Variants in PIK3C2G observed in about 807,000 individuals in gnomAD.
The protein encoded by PIK3C2G is phosphatidylinositol 3-kinase C2 domain-containing subunit gamma.
In PIK3C2G, 168 loss-of-function variants were observed where a neutral mutation model predicts 181.1. That is an observed-to-expected ratio of 0.93 (90% CI 0.82 to 1.05). The LOEUF (loss-of-function observed/expected upper bound fraction) is 1.05, where lower values mean the gene tolerates loss of function less well. Among genes scored for constraint, PIK3C2G ranks in the 50% least tolerant of loss-of-function variants. The pLI is 0.00. For synonymous variants in PIK3C2G, 573 were observed against 592.2 expected, an observed-to-expected ratio of 0.97 and a Z score of 0.47; for missense variants, 1,869 against 1,732.8, an observed-to-expected ratio of 1.08 and a Z score of -1.40.
chr12:18,251,613 G>T (rs1364231188), intron 1 of PIK3C2G, among the ~76,000 whole-genome samples: 1 of 151,932 alleles, frequency 6.6e-6, no homozygotes, highest in South Asian at 2.1e-4. Flanking sequence ...GAAATGGAAG[G>T]CATAGATCCA....
chr12:18,486,653 A>C (rs1940068867), intron 18 of PIK3C2G, among the ~76,000 whole-genome samples: 1 of 151,988 alleles, frequency 6.6e-6, no homozygotes, highest in South Asian at 2.1e-4. Flanking sequence ...GATCAGGTTA[A>C]AAATACTTAA....
intron 18 of PIK3C2G, among the ~76,000 whole-genome samples, chr12:18,483,683 C>A (rs1939770420): frequency 6.6e-6 from 1 of 151,316 alleles, no homozygotes; most frequent in Non-Finnish European, 1.5e-5. Context: ...AGGGATACCC[C>A]CCGAGAATGT....
chr12:18,660,570 C>T, the PIK3C2G span, among the ~76,000 whole-genome samples: 4 of 151,922 alleles, frequency 2.6e-5, no homozygotes, highest in South Asian at 2.1e-4. Context: ...TGTGCATGCC[C>T]GGAGAAAGGT....
the PIK3C2G span, chr12:18,723,284 C>T: frequency 3.7e-4 from 580 of 1,564,512 alleles, no homozygotes; most frequent in South Asian, 5.0e-4. Flanking sequence ...ATAAATATTC[C>T]GATAAAAGTT....
At chr12:18,537,658 C>T (rs1943931278) in intron 24 of PIK3C2G, among the ~76,000 whole-genome samples, 1 of 151,956 alleles carries the variant, frequency 6.6e-6, no homozygotes, top group African/African-American at 2.4e-5. Flanking sequence ...TTTTCTCCTT[C>T]ACTAAGCATA....
chr12:18,539,710 G>T (rs1235406640), intron 25 of PIK3C2G, among the ~76,000 whole-genome samples: 1 of 151,710 alleles, frequency 6.6e-6, no homozygotes, highest in Admixed American at 6.6e-5. Context: ...ATTTGATTTG[G>T]ATTCTTGTTT....
At chr12:18,278,932 A>G (rs1949096897) in intron 1 of PIK3C2G, among the ~76,000 whole-genome samples, 1 of 152,100 alleles carries the variant, frequency 6.6e-6, no homozygotes, top group Non-Finnish European at 1.5e-5. Flanking sequence ...ATATGAAAAG[A>G]TATTTCTCAT....
chr12:18,454,055 T>A (rs1177693877), intron 18 of PIK3C2G, among the ~76,000 whole-genome samples: 1 of 152,166 alleles, frequency 6.6e-6, no homozygotes, highest in East Asian at 1.9e-4. Context: ...TCTACTAGTT[T>A]TTTTTACCAA....
intron 24 of PIK3C2G, among the ~76,000 whole-genome samples, chr12:18,517,941 AG>A (rs1942656096): frequency 6.6e-6 from 1 of 152,170 alleles, no homozygotes; most frequent in Non-Finnish European, 1.5e-5. Context: ...TTTAACATGA[AG>A]GGATGTTGAA....
At chr12:18,349,189 G>A (rs1278209702) in intron 11 of PIK3C2G, among the ~76,000 whole-genome samples, 1 of 152,042 alleles carries the variant, frequency 6.6e-6, no homozygotes, top group Non-Finnish European at 1.5e-5. Context: ...GTATCCTGTG[G>A]GAAAGCATGA....
chr12:18,338,597 C>G (rs1555165326), intron 9 of PIK3C2G, 49 bp downstream of exon 9: 2 of 1,325,384 alleles, frequency 1.5e-6, no homozygotes, highest in East Asian at 2.3e-5. Context: ...GAGTTCAATA[C>G]TTAATTAAGG....
chr12:18,306,386 C>T (rs1950422327), intron 5 of PIK3C2G, among the ~76,000 whole-genome samples: 1 of 152,018 alleles, frequency 6.6e-6, no homozygotes, highest in Admixed American at 6.6e-5. Context: ...CTATTCTTGT[C>T]TCTTCAAAAG....
the PIK3C2G span, among the ~76,000 whole-genome samples, chr12:18,709,301 C>T: frequency 6.6e-6 from 1 of 152,032 alleles, no homozygotes; most frequent in Non-Finnish European, 1.5e-5. Flanking sequence ...TTCTTGGTCT[C>T]CTTGACAAAA....
chr12:18,635,012 A>G (rs1034334432), intron 31 of PIK3C2G, among the ~76,000 whole-genome samples: 1 of 152,148 alleles, frequency 6.6e-6, no homozygotes, highest in Non-Finnish European at 1.5e-5. Context: ...GTATAATTAC[A>G]CACCTGGCCA....
chr12:18,371,744 G>A (rs1441840647), intron 13 of PIK3C2G, among the ~76,000 whole-genome samples: 1 of 152,104 alleles, frequency 6.6e-6, no homozygotes, highest in Non-Finnish European at 1.5e-5. Context: ...TAATTTTAAG[G>A]TGATATTTTC....
the PIK3C2G span, among the ~76,000 whole-genome samples, chr12:18,705,601 C>T: frequency 1.3e-5 from 2 of 152,114 alleles, no homozygotes; most frequent in Admixed American, 6.5e-5. Context: ...CTCAGTGGCT[C>T]ACAACTGTAA....
intron 28 of PIK3C2G, among the ~76,000 whole-genome samples, chr12:18,564,508 A>G (rs1159741779): frequency 6.6e-6 from 1 of 151,650 alleles, no homozygotes; most frequent in African/African-American, 2.4e-5. Context: ...GCATAGGGAG[A>G]TATTGCACAA....
chr12:18,637,120 T>C (rs1263091929), intron 31 of PIK3C2G, among the ~76,000 whole-genome samples: 1 of 152,164 alleles, frequency 6.6e-6, no homozygotes, highest in African/African-American at 2.4e-5. Flanking sequence ...TTGAATTCAG[T>C]GTCAGTTGAG....
At chr12:18,505,947 C>A (rs1941802640) in intron 24 of PIK3C2G, among the ~76,000 whole-genome samples, 1 of 152,162 alleles carries the variant, frequency 6.6e-6, no homozygotes, top group Admixed American at 6.5e-5. Flanking sequence ...CAGACACAAA[C>A]CCTGATCTCT....
Sources: gnomAD v4.1 joint callset for allele counts (sites outside exome capture counted in the v4.1 genomes callset) on GRCh38, gnomAD v4.1.1 for gene constraint, MANE v1.5 for transcripts, NCBI Gene and HGNC (gene_info 2026-07-23, HGNC 2026-07-21) for gene names.